FOCAD: variants seen among roughly 807,000 people sequenced by gnomAD.
FOCAD encodes the protein KIAA1797.
FOCAD carries 198 observed loss-of-function variants against 225.6 expected under a neutral mutation model. The ratio of observed to expected loss-of-function variants is 0.88; its 90% confidence interval spans 0.78 to 0.99. FOCAD has a LOEUF of 0.99. Ranked by LOEUF, FOCAD falls within the 50% of genes least tolerant of loss-of-function variation. The probability of loss-of-function intolerance (pLI) is 0.00; values close to 1 mark genes in which losing one functional copy is unlikely to be tolerated. For missense variants in FOCAD, 2,713 were observed against 2,123.6 expected, an observed-to-expected ratio of 1.28 and a Z score of -5.46; for synonymous variants, 897 against 755.0, an observed-to-expected ratio of 1.19 and a Z score of -3.08.
chr9:20,779,408 T>C (rs184308150), intron 9 of FOCAD, among the ~76,000 whole-genome samples: 62 of 152,336 alleles, frequency 4.1e-4, no homozygotes, highest in African/African-American at 1.5e-3. Flanking sequence ...AATTATGTTG[T>C]ATAGTGCCAT....
intron 30 of FOCAD, among the ~76,000 whole-genome samples, chr9:20,947,549 G>A (rs1226994146): frequency 2.0e-5 from 3 of 152,060 alleles, no homozygotes; most frequent in African/African-American, 7.2e-5. Flanking sequence ...GTTTTTCAAG[G>A]GAAAGATTCT....
intron 15 of FOCAD, among the ~76,000 whole-genome samples, chr9:20,833,254 G>A (rs1018061324): frequency 4.2e-4 from 64 of 151,978 alleles, no homozygotes; most frequent in African/African-American, 1.5e-3. Flanking sequence ...GATTAGTGAT[G>A]TTGAGCAATA....
At chr9:20,927,371 C>T (rs1357131511) in intron 26 of FOCAD, among the ~76,000 whole-genome samples, 2 of 152,078 alleles carry the variant, frequency 1.3e-5, no homozygotes, top group Non-Finnish European at 2.9e-5. Flanking sequence ...TTGACACTTA[C>T]TTCATCATTC....
chr9:20,763,210 C>G (rs1253399640), intron 6 of FOCAD, among the ~76,000 whole-genome samples: 1 of 152,146 alleles, frequency 6.6e-6, no homozygotes, highest in Non-Finnish European at 1.5e-5. Flanking sequence ...GATTGAGCAT[C>G]TCTTTGAAGG....
At chr9:20,672,214 G>A (rs907102888) in intron 2 of FOCAD, among the ~76,000 whole-genome samples, 1 of 152,166 alleles carries the variant, frequency 6.6e-6, no homozygotes, top group Admixed American at 6.5e-5. Context: ...AACTACAAGT[G>A]CATTGCAATG....
At chr9:20,774,436 C>A (rs569165229) in intron 8 of FOCAD, among the ~76,000 whole-genome samples, 5 of 152,318 alleles carry the variant, frequency 3.3e-5, no homozygotes, top group Admixed American at 3.3e-4. Flanking sequence ...CTAATCCTAT[C>A]ATTCCTTCTC....
rs185962921 is a variant in FOCAD at position 20,984,816 on chromosome 9, T to G, written c.4729-1472T>G. ...TAGTTCCTTTTTTAAAAAAAATATTTTTTAGACTGAGTCTCACTTTGTCTC... is the reference window on the plus strand; with the variant it reads ...TAGTTCCTTTTTTAAAAAAAATATTGTTTAGACTGAGTCTCACTTTGTCTC... On this transcript the variant is annotated intron_variant, in intron 39 of 43. Transcript: ENST00000338382. Among the ~76,000 whole-genome samples the G allele has an allele frequency of 9.2e-5, 14 of 152,290 alleles. 1 individual carries two copies. In the East Asian group the frequency reaches 2.7e-3, roughly 29 times the overall value.
chr9:20,967,992 C>T (rs1839416938), intron 35 of FOCAD, among the ~76,000 whole-genome samples: 1 of 152,052 alleles, frequency 6.6e-6, no homozygotes, highest in Non-Finnish European at 1.5e-5. Flanking sequence ...TTAGGAAATA[C>T]TCCCTTCTCC....
intron 41 of FOCAD, 107 bp from the exon 42 acceptor site, chr9:20,990,000 GGAGGGACTGGTTGGGT>G: frequency 9.2e-7 from 1 of 1,090,938 alleles, no homozygotes; most frequent in Non-Finnish European, 1.4e-6. Flanking sequence ...GGGTAGGGCA[GGAGGGACTGGTTGGGT>G]GAAGGGGAAG....
At chr9:20,656,837 T>C (rs1231014999), upstream of FOCAD, among the ~76,000 whole-genome samples, 1 of 152,210 alleles carries the variant, frequency 6.6e-6, no homozygotes, top group East Asian at 1.9e-4. Context: ...TAGGTGGTTA[T>C]TCTGCTCGTT....
At chr9:20,913,564 T>C (rs745503737) in intron 23 of FOCAD, among the ~76,000 whole-genome samples, 11 of 152,226 alleles carry the variant, frequency 7.2e-5, no homozygotes, top group Non-Finnish European at 1.3e-4. Context: ...AAAGTCTAAA[T>C]AGCTTTGCCT....
chr9:20,807,787 C>T (rs1422305383), intron 11 of FOCAD, among the ~76,000 whole-genome samples: 2 of 152,136 alleles, frequency 1.3e-5, no homozygotes, highest in Admixed American at 6.5e-5. Flanking sequence ...TGGTGGTTCA[C>T]GCCTGCAATC....
At chr9:20,932,018 A>G (rs1030985604) in intron 27 of FOCAD, among the ~76,000 whole-genome samples, 3 of 151,968 alleles carry the variant, frequency 2.0e-5, no homozygotes, top group Middle Eastern at 3.2e-3. Context: ...GAAGCTGTGG[A>G]ATGTTGTTCC....
At chr9:20,964,813 C>T (rs1286683672) in intron 35 of FOCAD, among the ~76,000 whole-genome samples, 1 of 152,186 alleles carries the variant, frequency 6.6e-6, no homozygotes, top group South Asian at 2.1e-4. Flanking sequence ...GGATTACAGG[C>T]GTGAGCCAGA....
At chr9:20,659,185 C>T (rs542055521) in intron 2 of FOCAD, among the ~76,000 whole-genome samples, 40 of 151,848 alleles carry the variant, frequency 2.6e-4, no homozygotes, top group Non-Finnish European at 4.4e-4. Flanking sequence ...GCACCACTGC[C>T]CTCCAGCCTA....
chr9:20,777,947 G>A (rs1439934679), intron 8 of FOCAD, among the ~76,000 whole-genome samples: 9 of 151,814 alleles, frequency 5.9e-5, no homozygotes, highest in South Asian at 2.1e-4. Flanking sequence ...AAAATTAGCC[G>A]GGCGCAGTGG....
At chr9:20,814,784 C>G (rs1023164040) in intron 11 of FOCAD, among the ~76,000 whole-genome samples, 2 of 152,114 alleles carry the variant, frequency 1.3e-5, no homozygotes, top group Non-Finnish European at 2.9e-5. Flanking sequence ...ACATAAACTA[C>G]TCTTTTACTT....
intron 19 of FOCAD, among the ~76,000 whole-genome samples, chr9:20,880,518 CCTTT>C (rs539991944): frequency 8.6e-4 from 131 of 152,240 alleles, no homozygotes; most frequent in Admixed American, 4.4e-3. Flanking sequence ...CCTGTTAATG[CCTTT>C]CTTTAAAGAC....
intron 35 of FOCAD, among the ~76,000 whole-genome samples, chr9:20,971,221 T>G (rs767200094): frequency 9.2e-5 from 14 of 152,170 alleles, no homozygotes; most frequent in Admixed American, 2.6e-4. Context: ...ATTGCATGCC[T>G]ATATCAAAAT....
Sources: gnomAD v4.1 joint callset for allele counts (sites outside exome capture counted in the v4.1 genomes callset) on GRCh38, gnomAD v4.1.1 for gene constraint, MANE v1.5 for transcripts, NCBI Gene and HGNC (gene_info 2026-07-23, HGNC 2026-07-21) for gene names.